NRXN1: variants seen among roughly 807,000 people sequenced by gnomAD.
NRXN1 encodes the protein neurexin-1.
NRXN1 carries 39 observed loss-of-function variants against 150.9 expected under a neutral mutation model. The observed-to-expected ratio is 0.26, with a 90% CI of 0.20 to 0.34. The LOEUF (loss-of-function observed/expected upper bound fraction) is 0.34, where lower values mean the gene tolerates loss of function less well. Ranked by LOEUF, NRXN1 falls within the 10% of genes least tolerant of loss-of-function variation. The pLI is 1.00. For missense variants in NRXN1, 1,815 were observed against 1,949.9 expected, an observed-to-expected ratio of 0.93 and a Z score of 1.30; for synonymous variants, 924 against 757.0, an observed-to-expected ratio of 1.22 and a Z score of -3.62.
At chr2:50,919,366 C>T (rs1241413771) in intron 5 of NRXN1, 1 of 151,702 alleles carries the variant, frequency 6.6e-6, no homozygotes, top group African/African-American at 2.4e-5. Flanking sequence ...GTTCTTTTTA[C>T]ATGTGTTAAT....
At chr2:50,087,523 G>C (rs1185841410) in intron 19 of NRXN1, among the ~76,000 whole-genome samples, 1 of 152,070 alleles carries the variant, frequency 6.6e-6, no homozygotes, top group African/African-American at 2.4e-5. Context: ...TGTGGAGAGA[G>C]AAAATTTTCC....
At chr2:50,267,403 A>G (rs927199110) in intron 17 of NRXN1, among the ~76,000 whole-genome samples, 14 of 152,332 alleles carry the variant, frequency 9.2e-5, no homozygotes, top group African/African-American at 3.4e-4. Context: ...TGGTACATAT[A>G]TTTCTTCAAA....
intron 2 of NRXN1, among the ~76,000 whole-genome samples, chr2:50,939,062 T>A (rs566856974): frequency 1.3e-5 from 2 of 151,766 alleles, no homozygotes; most frequent in South Asian, 4.2e-4. Flanking sequence ...ATACTAAAAA[T>A]TAGCTGGGAG....
intron 8 of NRXN1, among the ~76,000 whole-genome samples, chr2:50,570,362 AG>A (rs1307211572): frequency 1.3e-5 from 2 of 152,194 alleles, no homozygotes; most frequent in African/African-American, 4.8e-5. Flanking sequence ...ACTGGTACAC[AG>A]GTTGGTGCTG....
At position 50,328,134 on chromosome 2, in the gene NRXN1, A is replaced by G. The variant is rs79996195; in HGVS notation, c.3365-91164T>C. ...CAAGCCTGTCCAATCTGCAGCCTGC[A>G]TATGACCTAGGGTGGCTTTGAATGT... On this transcript the variant is annotated intron_variant, in intron 17 of 22. Transcript: ENST00000401669. Among the ~76,000 whole-genome samples the G allele has an allele frequency of 7.2e-5, 11 of 152,274 alleles. No homozygotes were observed. In the East Asian group the frequency reaches 2.1e-3, roughly 29 times the overall value.
At chr2:50,360,480 T>C (rs2079112241) in intron 17 of NRXN1, among the ~76,000 whole-genome samples, 1 of 152,124 alleles carries the variant, frequency 6.6e-6, no homozygotes, top group Admixed American at 6.6e-5. Flanking sequence ...AAACAGACTT[T>C]ACACCAACAC....
chr2:50,262,728 C>CT (rs2068417818), intron 17 of NRXN1, among the ~76,000 whole-genome samples: 1 of 151,960 alleles, frequency 6.6e-6, no homozygotes, highest in African/African-American at 2.4e-5. Context: ...AGCATATTCT[C>CT]TACAGATGTA....
intron 21 of NRXN1, among the ~76,000 whole-genome samples, chr2:49,946,515 G>A (rs971057966): frequency 1.3e-5 from 2 of 152,032 alleles, no homozygotes; most frequent in Non-Finnish European, 2.9e-5. Context: ...TATGGTTTTA[G>A]GTCTTACGTT....
chr2:50,006,022 T>C (rs1374140717), intron 21 of NRXN1, among the ~76,000 whole-genome samples: 1 of 152,156 alleles, frequency 6.6e-6, no homozygotes, highest in Non-Finnish European at 1.5e-5. Flanking sequence ...TTGACACACC[T>C]TGGTTGTCTA....
At chr2:50,191,800 C>T (rs1398432828) in intron 18 of NRXN1, among the ~76,000 whole-genome samples, 1 of 152,048 alleles carries the variant, frequency 6.6e-6, no homozygotes, top group Non-Finnish European at 1.5e-5. Flanking sequence ...CATGGCATAC[C>T]ATGTAATATG....
At chr2:50,195,534 A>C (rs1268813426) in intron 18 of NRXN1, among the ~76,000 whole-genome samples, 1 of 152,206 alleles carries the variant, frequency 6.6e-6, no homozygotes, top group Non-Finnish European at 1.5e-5. Flanking sequence ...GATAATGAGA[A>C]GCAATAATCT....
intron 21 of NRXN1, among the ~76,000 whole-genome samples, chr2:50,030,815 T>C (rs1383800883): frequency 1.3e-5 from 2 of 152,178 alleles, no homozygotes; most frequent in African/African-American, 4.8e-5. Flanking sequence ...AATGCTTTAC[T>C]CAAGAGTTTT....
intron 18 of NRXN1, among the ~76,000 whole-genome samples, chr2:50,097,734 T>C (rs2045004): frequency 0.61 from 92,044 of 151,794 alleles, 28,902 homozygotes; most frequent in African/African-American, 0.75. Flanking sequence ...TTGCTTCCTT[T>C]GTTCAAGTGA....
At chr2:50,506,646 G>A in intron 12 of NRXN1, 29 bp from the exon 13 acceptor site, 1 of 1,609,796 alleles carries the variant, frequency 6.2e-7, no homozygotes, top group South Asian at 1.1e-5. Context: ...AGTCATTATG[G>A]ACACTCAGAA....
At chr2:50,268,468 G>T (rs955107906) in intron 17 of NRXN1, among the ~76,000 whole-genome samples, 1 of 152,078 alleles carries the variant, frequency 6.6e-6, no homozygotes, top group Non-Finnish European at 1.5e-5. Context: ...TATCTATTTT[G>T]ATCATTAACA....
At chr2:50,742,593 C>T (rs1238993142) in intron 5 of NRXN1, among the ~76,000 whole-genome samples, 1 of 140,618 alleles carries the variant, frequency 7.1e-6, no homozygotes, top group Non-Finnish European at 1.5e-5. Flanking sequence ...GGGTGACAGA[C>T]GGAGACTCCG....
chr2:50,762,196 C>G (rs1191208622), intron 5 of NRXN1, among the ~76,000 whole-genome samples: 4 of 151,638 alleles, frequency 2.6e-5, no homozygotes, highest in Non-Finnish European at 5.9e-5. Context: ...CCTAATACAA[C>G]AGGCATGATC....
chr2:50,744,067 T>C (rs1330573935), intron 5 of NRXN1, among the ~76,000 whole-genome samples: 3 of 152,178 alleles, frequency 2.0e-5, no homozygotes, highest in Non-Finnish European at 4.4e-5. Flanking sequence ...GTGTTATTTC[T>C]GATTTCACAT....
At chr2:50,194,290 A>AG (rs2152826325) in intron 18 of NRXN1, among the ~76,000 whole-genome samples, 1 of 152,278 alleles carries the variant, frequency 6.6e-6, no homozygotes, top group South Asian at 2.1e-4. Context: ...GAGCTGCAGC[A>AG]GTTGACTAGT....
Sources: allele counts gnomAD v4.1 joint callset (sites outside exome capture counted in the v4.1 genomes callset), GRCh38; gene constraint gnomAD v4.1.1; transcripts MANE v1.5; gene names NCBI Gene and HGNC (gene_info 2026-07-23, HGNC 2026-07-21).